Variants in LRRTM4 observed in about 807,000 individuals in gnomAD.
The protein encoded by LRRTM4 is leucine rich repeat transmembrane neuronal 4, also known as leucine-rich repeat transmembrane neuronal protein 4.
LRRTM4 carries 25 observed loss-of-function variants against 47.6 expected under a neutral mutation model. That is an observed-to-expected ratio of 0.53 (90% confidence interval 0.38 to 0.73). LRRTM4 has a LOEUF of 0.73. Among genes scored for constraint, LRRTM4 ranks in the 30% least tolerant of loss-of-function variants. LRRTM4 has a pLI of 0.00. For synonymous variants in LRRTM4, 311 were observed against 269.5 expected (o/e 1.15, Z -1.51); for missense variants, 638 against 713.4 (o/e 0.89, Z 1.20).
At chr2:77,492,071 T>A (rs1189501918) in intron 3 of LRRTM4, among the ~76,000 whole-genome samples, 1 of 152,124 alleles carries the variant, frequency 6.6e-6, no homozygotes, top group Non-Finnish European at 1.5e-5. Flanking sequence ...TTAATTGAAT[T>A]ATATGTAAAT....
intron 3 of LRRTM4, among the ~76,000 whole-genome samples, chr2:76,982,915 C>T (rs1263994095): frequency 6.6e-6 from 1 of 151,944 alleles, no homozygotes; most frequent in South Asian, 2.1e-4. Context: ...GGCTCTTTTG[C>T]AATAGCATAA....
chr2:76,996,718 CA>C (rs1180183154), intron 3 of LRRTM4, among the ~76,000 whole-genome samples: 1 of 152,036 alleles, frequency 6.6e-6, no homozygotes, highest in African/African-American at 2.4e-5. Context: ...AGCAAATGCA[CA>C]CTGTTAGTAA....
At chr2:77,015,363 G>C (rs1003620124) in intron 3 of LRRTM4, among the ~76,000 whole-genome samples, 2 of 152,016 alleles carry the variant, frequency 1.3e-5, no homozygotes, top group African/African-American at 4.8e-5. Flanking sequence ...TTGAGACAGA[G>C]TCTTGCTCTG....
intron 3 of LRRTM4, among the ~76,000 whole-genome samples, chr2:76,939,308 A>G (rs1399384101): frequency 6.6e-6 from 1 of 152,174 alleles, no homozygotes; most frequent in Non-Finnish European, 1.5e-5. Flanking sequence ...ATGAAGTGCC[A>G]TAAGCTACCT....
At chr2:77,212,576 A>C (rs11894888) in intron 3 of LRRTM4, among the ~76,000 whole-genome samples, 21,902 of 149,730 alleles carry the variant, frequency 0.15, 2,593 homozygotes, top group East Asian at 0.34. Context: ...TTCTCTCTCT[A>C]TATATATAGT....
At chr2:77,426,785 G>A (rs1675122260) in intron 3 of LRRTM4, among the ~76,000 whole-genome samples, 1 of 148,894 alleles carries the variant, frequency 6.7e-6, no homozygotes, top group Admixed American at 6.7e-5. Flanking sequence ...TACATAATAT[G>A]TACACACACA....
intron 3 of LRRTM4, among the ~76,000 whole-genome samples, chr2:76,875,378 C>T (rs1306968611): frequency 1.3e-5 from 2 of 152,044 alleles, no homozygotes; most frequent in Non-Finnish European, 2.9e-5. Context: ...TTGTATGTGA[C>T]TCATCATATT....
chr2:77,010,482 A>G (rs1177972580), intron 3 of LRRTM4, among the ~76,000 whole-genome samples: 1 of 148,386 alleles, frequency 6.7e-6, no homozygotes, highest in African/African-American at 2.5e-5. Flanking sequence ...TTTTTAAGGC[A>G]GAATAGAATT....
intron 3 of LRRTM4, among the ~76,000 whole-genome samples, chr2:76,757,486 T>C (rs960770464): frequency 6.6e-6 from 1 of 152,114 alleles, no homozygotes; most frequent in Non-Finnish European, 1.5e-5. Context: ...ACTGGGAAGC[T>C]TATTACATTA....
intron 3 of LRRTM4, among the ~76,000 whole-genome samples, chr2:77,065,608 A>G (rs1166489997): frequency 1.3e-5 from 2 of 152,320 alleles, no homozygotes; most frequent in African/African-American, 4.8e-5. Context: ...ATGAAATTTC[A>G]TGTAATACTG....
At chr2:77,297,858 T>C (rs1487049308) in intron 3 of LRRTM4, among the ~76,000 whole-genome samples, 1 of 152,242 alleles carries the variant, frequency 6.6e-6, no homozygotes. Context: ...GTTACAATGC[T>C]GCTTTAGGAC....
At chr2:77,437,760 T>C (rs1675660966) in intron 3 of LRRTM4, among the ~76,000 whole-genome samples, 1 of 152,280 alleles carries the variant, frequency 6.6e-6, no homozygotes, top group African/African-American at 2.4e-5. Context: ...AAGATTGCCT[T>C]AGTTCCTTTT....
chr2:77,000,261 T>C (rs1465441110), intron 3 of LRRTM4, among the ~76,000 whole-genome samples: 5 of 152,020 alleles, frequency 3.3e-5, no homozygotes, highest in African/African-American at 1.2e-4. Context: ...ATTTCTTCTT[T>C]TGGACTGAAC....
chr2:77,199,034 C>T (rs1351998999), intron 3 of LRRTM4, among the ~76,000 whole-genome samples: 1 of 152,090 alleles, frequency 6.6e-6, no homozygotes, highest in Admixed American at 6.6e-5. Flanking sequence ...TCCTTGGTAT[C>T]TGTAGATCTG....
intron 3 of LRRTM4, among the ~76,000 whole-genome samples, chr2:77,270,172 T>C (rs1260714720): frequency 6.6e-6 from 1 of 152,152 alleles, no homozygotes; most frequent in Non-Finnish European, 1.5e-5. Context: ...CTTAATAAGT[T>C]ATGTATTTGG....
At chr2:77,290,715 T>C (rs1180986066) in intron 3 of LRRTM4, among the ~76,000 whole-genome samples, 1 of 151,980 alleles carries the variant, frequency 6.6e-6, no homozygotes, top group East Asian at 1.9e-4. Flanking sequence ...AAAAATTAAG[T>C]CCAACCTCTA....
In LRRTM4 at chr2:77,519,977, T is replaced by C. The variant is rs1382368624; in HGVS notation, c.5-113A>G. ...TAGTGTAGGAATGGGACAGTTGATT[T>C]AAGGAAAATGCATTAACATTTCGAG... On this transcript the variant is annotated intron_variant, in intron 2 of 3. Coordinates refer to ENST00000409884, the MANE Select transcript of LRRTM4 (RefSeq NM_001134745.3). The surrounding 1 kb of genome is among the most constrained non-coding windows in gnomAD (Gnocchi z 4.6). The C allele has an allele frequency of 7.0e-7, 1 of 1,419,476 alleles. No homozygotes were observed. The highest frequency in any genetic ancestry group is 1.4e-5 in the African/African-American group (1 of 69,196). 87.9% of individuals were successfully genotyped at this position (1,419,476 alleles called of 1,614,324 possible).
chr2:77,521,655 A>G lies in LRRTM4; in HGVS notation c.4+13T>C, dbSNP rs139031845. ...CAGCTTTGCTCAGAAGGAAACAACA[A>G]AAGTTCACTTACCCATCCTTTGTCA... On this transcript the variant is annotated intron_variant, in intron 2 of 3. Coordinates refer to ENST00000409884, the MANE Select transcript of LRRTM4 (RefSeq NM_001134745.3). The G allele has an allele frequency of 7.8e-3, 12,504 of 1,612,180 alleles. 71 individuals are homozygous for G. The highest frequency in any genetic ancestry group is 9.6e-3 in the Non-Finnish European group (11,270 of 1,179,012).
chr2:77,028,763 C>T (rs184606545), intron 3 of LRRTM4, among the ~76,000 whole-genome samples: 71 of 151,732 alleles, frequency 4.7e-4, no homozygotes, highest in African/African-American at 1.5e-3. Context: ...AGGCCTGGCG[C>T]GGTGGCTCAC....
Sources: gnomAD v4.1 joint callset for allele counts (sites outside exome capture counted in the v4.1 genomes callset) on GRCh38, gnomAD v4.1.1 for gene constraint, Gnocchi (gnomAD v3.1) non-coding constraint, MANE v1.5 for transcripts, NCBI Gene and HGNC (gene_info 2026-07-23, HGNC 2026-07-21) for gene names.